The following DERA variants were observed in gnomAD, a reference collection of about 807,000 sequenced individuals.
DERA encodes deoxyribose-phosphate aldolase, also known as 2-deoxy-D-ribose 5-phosphate aldolase.
In DERA, 15 loss-of-function variants were observed where a neutral mutation model predicts 41.1. That is an observed-to-expected ratio of 0.37 (90% CI 0.24 to 0.56). DERA has a LOEUF of 0.56. DERA is among the 20% of genes least tolerant of loss of function. The pLI, the probability that DERA is intolerant of heterozygous loss-of-function variation, is 0.81. For synonymous variants in DERA, 139 were observed against 137.4 expected, an observed-to-expected ratio of 1.01 and a Z score of -0.08; for missense variants, 396 against 403.4, an observed-to-expected ratio of 0.98 and a Z score of 0.16.
At position 15,911,544 on chromosome 12, in the gene DERA, G is replaced by A; in HGVS notation, c.31+130G>A. ...GGGGTTTTCGCTGGGGCGGGAAGCA[G>A]TGGCGTCTGGTCAGCCCTCACCCCA... On this transcript the variant is annotated intron_variant, in intron 1 of 8. Transcript: ENST00000428559. This position sits in a 1 kb window ranked among gnomAD's most constrained non-coding sequence, Gnocchi z 4.5. 4.3e-6 allele frequency: 4 copies of A among 940,856 alleles called. No homozygotes were observed. The highest frequency in any genetic ancestry group is 6.2e-6 in the Non-Finnish European group (4 of 643,280). 58.3% of individuals were successfully genotyped at this position (940,856 alleles called of 1,614,324 possible).
chr12:15,958,356 C>G lies in DERA; in HGVS notation c.277+21C>G, dbSNP rs1308801756. 4 of 1,583,008 alleles carry G rather than the reference C, an allele frequency of 2.5e-6. 1 individual carries two copies. Among genetic ancestry groups the G allele is most frequent in the Middle Eastern group, 3.8e-4 (2 of 5,262 alleles). On this transcript the variant is annotated intron_variant, in intron 3 of 8. Transcript: ENST00000428559. ...TAAAGGTAATGTTGTTGTGTGTGAT[C>G]TATGTGGTGTTTAGTGCTTACAATA...
chr12:15,917,288 G>A (rs1286591104), intron 1 of DERA, among the ~76,000 whole-genome samples: 1 of 152,162 alleles, frequency 6.6e-6, no homozygotes, highest in Non-Finnish European at 1.5e-5. Flanking sequence ...TCTTAGCTCA[G>A]GTGGTAAGAG....
At position 15,967,293 on chromosome 12, in the gene DERA, G is replaced by A. The variant is rs1948629582; in HGVS notation, c.508+4346G>A. ...TGGGAGGATTCCTTGAATGTGGGAGGATTCCTTGAGCCTGGGAGGCAGAGG... is the reference window on the plus strand; with the variant it reads ...TGGGAGGATTCCTTGAATGTGGGAGAATTCCTTGAGCCTGGGAGGCAGAGG... On this transcript the variant is annotated intron_variant, in intron 5 of 8. Transcript: ENST00000428559. The surrounding 1 kb of genome is among the most constrained non-coding windows in gnomAD (Gnocchi z 4.9). Among the ~76,000 whole-genome samples the A allele has an allele frequency of 6.6e-6, 1 of 151,994 alleles. No homozygotes were observed. Among genetic ancestry groups the A allele is most frequent in the Admixed American group, 6.6e-5 (1 of 15,266 alleles).
chr12:15,949,086 G>A (rs367883701), intron 1 of DERA, among the ~76,000 whole-genome samples: 9 of 152,276 alleles, frequency 5.9e-5, no homozygotes, highest in East Asian at 1.9e-4. Context: ...GTAACCGGCC[G>A]TGTGGGGTGT....
chr12:15,912,036 T>A (rs978421032), intron 1 of DERA, among the ~76,000 whole-genome samples: 23 of 148,478 alleles, frequency 1.5e-4, no homozygotes, highest in East Asian at 1.9e-4. Context: ...TTTTTTTTTT[T>A]ATTGATCATT....
At chr12:16,028,737 C>T (rs1949070415) in intron 6 of DERA, among the ~76,000 whole-genome samples, 1 of 152,208 alleles carries the variant, frequency 6.6e-6, no homozygotes, top group Admixed American at 6.5e-5. Context: ...CTTACCAAAC[C>T]TATAACCTCA....
At chr12:16,023,266 G>C (rs573731919) in intron 6 of DERA, among the ~76,000 whole-genome samples, 1 of 152,164 alleles carries the variant, frequency 6.6e-6, no homozygotes, top group Non-Finnish European at 1.5e-5. Context: ...CCAGAATAAA[G>C]AGGGGAGATA....
rs763614457 is a variant in DERA at position 15,911,817 on chromosome 12, G to C, written c.31+403G>C. Reference sequence around the variant, plus strand: ...TAGAATACTTGTGTAATTTAATGCAGTATTTCCGTAGATAATTTTAACCGT... The same window carrying C: ...TAGAATACTTGTGTAATTTAATGCACTATTTCCGTAGATAATTTTAACCGT... On this transcript the variant is annotated intron_variant, in intron 1 of 8. Transcript: ENST00000428559. The surrounding 1 kb of genome is among the most constrained non-coding windows in gnomAD (Gnocchi z 4.5). 5 of 477,180 alleles carry C rather than the reference G, an allele frequency of 1.0e-5. No individual in the cohort carries two copies. In the East Asian group the frequency reaches 2.5e-4, roughly 24 times the overall value. 29.6% of individuals were successfully genotyped at this position (477,180 alleles called of 1,614,324 possible).
In DERA at chr12:15,918,171, C is replaced by T. The variant is rs1454992930; in HGVS notation, c.31+6757C>T. On this transcript the variant is annotated intron_variant, in intron 1 of 8. Coordinates refer to ENST00000428559, the MANE Select transcript of DERA (RefSeq NM_015954.4). This position sits in a 1 kb window ranked among gnomAD's most constrained non-coding sequence, Gnocchi z 4.3. ...CTCAGGCTCTGACCCCTGAGCTGGG[C>T]CTCCCTCCTGTGAGTCTGCCTTCCT... Among the ~76,000 whole-genome samples, 2 of 152,192 alleles carry T rather than the reference C, an allele frequency of 1.3e-5. No homozygotes were observed. The highest frequency in any genetic ancestry group is 4.8e-5 in the African/African-American group (2 of 41,450).
chr12:15,969,143 A>G (rs892570532), intron 5 of DERA, among the ~76,000 whole-genome samples: 2 of 152,166 alleles, frequency 1.3e-5, no homozygotes, highest in Non-Finnish European at 2.9e-5. Flanking sequence ...TCTAAGATGC[A>G]CTCCTTAAAC....
intron 1 of DERA, among the ~76,000 whole-genome samples, chr12:15,912,020 C>CTTTTTTTTTTTTTTTTTTTTT (rs11354779): frequency 7.5e-6 from 1 of 134,178 alleles, no homozygotes. Context: ...GTTCAGATTT[C>CTTTTTTTTTTTTTTTTTTTTT]TTTTTTTTTT....
intron 1 of DERA, among the ~76,000 whole-genome samples, chr12:15,932,148 A>G (rs1948333100): frequency 6.6e-6 from 1 of 152,238 alleles, no homozygotes; most frequent in East Asian, 1.9e-4. Flanking sequence ...CCATCTTGTG[A>G]TATGAAAACT....
At chr12:15,958,149 T>C (rs747202442) in intron 2 of DERA, 39 bp from the exon 3 acceptor site, 1 of 1,502,676 alleles carries the variant, frequency 6.7e-7, no homozygotes, top group South Asian at 1.3e-5. Context: ...GTTTGTTTAT[T>C]TATTAAATTT....
At position 15,990,713 on chromosome 12, in the gene DERA, T is replaced by C. The variant is rs889971559; in HGVS notation, c.637+8277T>C. 6.6e-6 allele frequency among the ~76,000 whole-genome samples: 1 copy of C among 152,196 alleles called. No homozygotes were observed. Among genetic ancestry groups the C allele is most frequent in the African/African-American group, 2.4e-5 (1 of 41,454 alleles). On this transcript the variant is annotated intron_variant, in intron 6 of 8. Coordinates refer to ENST00000428559, the MANE Select transcript of DERA (RefSeq NM_015954.4). The surrounding 1 kb of genome is among the most constrained non-coding windows in gnomAD (Gnocchi z 4.3). ...TGAGAGCATTTGGTATTTGGTTTTC[T>C]GTTCCCGTGTTAGTTTGCTAAGGAT...
At chr12:15,956,100 A>G (rs905420981) in intron 1 of DERA, among the ~76,000 whole-genome samples, 7 of 152,258 alleles carry the variant, frequency 4.6e-5, no homozygotes, top group Admixed American at 6.5e-5. Flanking sequence ...ATGGCTGACA[A>G]TGTACTAAGT....
At chr12:16,029,187 C>A (rs1949073188) in intron 6 of DERA, among the ~76,000 whole-genome samples, 1 of 152,210 alleles carries the variant, frequency 6.6e-6, no homozygotes, top group South Asian at 2.1e-4. Flanking sequence ...GTAATCCCAG[C>A]ACTTTGGGAG....
In DERA at chr12:16,010,907, A is replaced by T. The variant is rs1178707681; in HGVS notation, c.638-21635A>T. 2.0e-5 allele frequency among the ~76,000 whole-genome samples: 3 copies of T among 147,108 alleles called. No homozygotes were observed. In the South Asian group the frequency reaches 6.2e-4, roughly 30 times the overall value. On this transcript the variant is annotated intron_variant, in intron 6 of 8. Transcript: ENST00000428559. This position sits in a 1 kb window ranked among gnomAD's most constrained non-coding sequence, Gnocchi z 5.5. ...ACCCACTTATCATCAATTGTTGAAA[A>T]AAAAGATTTATGATGACATTGAGGT... is the stretch of plus-strand genomic sequence containing the variant.
In DERA at chr12:15,968,086, C is replaced by CTTTTTTTT. The variant is rs368286741; in HGVS notation, c.508+5146_508+5153dup. Among the ~76,000 whole-genome samples, 123 of 141,882 alleles carry CTTTTTTTT rather than the reference C, an allele frequency of 8.7e-4. No homozygotes were observed. In the East Asian group the frequency reaches 0.022, roughly 25 times the overall value. The allele number at this position is 141,882 out of a possible 152,430, so 93.1% of individuals were successfully genotyped here. Reference sequence around the variant, plus strand: ...TAACTCAGGACTCTTTCTTCTTCTTCTTTTTTTTTTTTTTGACATAATTCC... The same window carrying CTTTTTTTT: ...TAACTCAGGACTCTTTCTTCTTCTTCTTTTTTTTTTTTTTTTTTTTTTGACATAATTCC... On this transcript the variant is annotated intron_variant, in intron 5 of 8. Transcript: ENST00000428559.
In DERA at chr12:15,911,391, C is replaced by G. The variant is rs1265695960; in HGVS notation, c.8C>G (p.Ala3Gly). 37 of 1,405,306 alleles carry G rather than the reference C, an allele frequency of 2.6e-5. No homozygotes were observed. Among genetic ancestry groups the G allele is most frequent in the Non-Finnish European group, 3.2e-5 (35 of 1,092,122 alleles). 87.1% of individuals were successfully genotyped at this position (1,405,306 alleles called of 1,614,324 possible). ...TCCGGAGCTGCCCGCGCCATGTCCG[C>G]GCACAATCGGGGCACCGAGCTCGGT... MS[A>G]HNRGTELDLS... Residue 3 changes from alanine to glycine, a missense_variant, in exon 1 of 9, where the codon GCG becomes GGG. Ala to Gly is a moderately conservative substitution (Grantham distance 60). Coordinates refer to ENST00000428559, the MANE Select transcript of DERA (RefSeq NM_015954.4). The surrounding 1 kb of genome is among the most constrained non-coding windows in gnomAD (Gnocchi z 4.5).
Sources: allele counts gnomAD v4.1 joint callset (sites outside exome capture counted in the v4.1 genomes callset), GRCh38; gene constraint gnomAD v4.1.1; non-coding constraint Gnocchi (gnomAD v3.1); transcripts MANE v1.5; gene names NCBI Gene and HGNC (gene_info 2026-07-23, HGNC 2026-07-21).